The following ECHDC3 variants were observed in gnomAD, a reference collection of about 807,000 sequenced individuals.
The protein encoded by ECHDC3 is enoyl-CoA hydratase domain containing 3.
A neutral mutation model predicts 17.9 loss-of-function variants in ECHDC3; 20 were observed. That is an observed-to-expected ratio of 1.12 (90% CI 0.79 to 1.63). ECHDC3 has a LOEUF of 1.63. Among genes scored for constraint, ECHDC3 ranks in the 40% most tolerant of loss-of-function variants. The pLI, the probability that ECHDC3 is intolerant of heterozygous loss-of-function variation, is 0.00. For missense variants in ECHDC3, 407 were observed against 357.7 expected (o/e 1.14, Z -1.11); for synonymous variants, 177 against 149.7 (o/e 1.18, Z -1.33).
intron 3 of ECHDC3, among the ~76,000 whole-genome samples, chr10:11,754,135 A>G (rs192215704): frequency 7.8e-4 from 119 of 152,348 alleles, no homozygotes; most frequent in East Asian, 7.5e-3. Flanking sequence ...AAAAAAGTCA[A>G]AAAGCACTAC....
At chr10:11,759,571 G>A (rs771603192) in intron 4 of ECHDC3, among the ~76,000 whole-genome samples, 5 of 152,168 alleles carry the variant, frequency 3.3e-5, no homozygotes, top group African/African-American at 9.7e-5. Flanking sequence ...CCAGGCTGTG[G>A]TGCTGTGTTC....
Position 11,760,885 on chromosome 10 carries a change from A to G in ECHDC3, c.592-2339A>G, listed in dbSNP as rs1327387421. 2.6e-5 allele frequency among the ~76,000 whole-genome samples: 4 copies of G among 152,162 alleles called. No homozygotes were observed. In the East Asian group the frequency reaches 5.8e-4, roughly 22 times the overall value. Reference sequence around the variant, plus strand: ...TCCTGGTTCAACCAGGGCTTCAGACACGCTTTGGCATGAAGTGCTCTTCCT... The same window carrying G: ...TCCTGGTTCAACCAGGGCTTCAGACGCGCTTTGGCATGAAGTGCTCTTCCT... On this transcript the variant is annotated intron_variant, in intron 4 of 4. Transcript: ENST00000379215.
chr10:11,742,718 A>C lies in ECHDC3; in HGVS notation c.142A>C (p.Thr48Pro). The C allele has an allele frequency of 8.1e-7, 1 of 1,235,192 alleles. No homozygotes were observed. Among genetic ancestry groups the C allele is most frequent in the South Asian group, 3.6e-5 (1 of 27,590 alleles). 76.5% of individuals were successfully genotyped at this position (1,235,192 alleles called of 1,614,324 possible). A position where few individuals can be genotyped will look rare whatever the true frequency, so the allele number is the denominator to read the frequency against. Reference protein sequence around the residue: ...AGRRESEPRPTSARQLDGIRN... With the variant: ...AGRRESEPRPPSARQLDGIRN... ...GCGGCGGGAGTCGGAGCCGCGGCCCACCAGCGCGCGGCAGCTGGACGGCAT... is the reference window on the plus strand; with the variant it reads ...GCGGCGGGAGTCGGAGCCGCGGCCCCCCAGCGCGCGGCAGCTGGACGGCAT... Residue 48 changes from threonine (T) to proline (P), a missense_variant, in exon 1 of 5, where the codon ACC becomes CCC. Transcript: ENST00000379215.
At chr10:11,756,325 A>G (rs2133793196) in intron 4 of ECHDC3, among the ~76,000 whole-genome samples, 1 of 152,368 alleles carries the variant, frequency 6.6e-6, no homozygotes, top group East Asian at 1.9e-4. Flanking sequence ...TGTTGCGGAA[A>G]AAGTGCATCC....
chr10:11,758,924 G>A (rs969053041), intron 4 of ECHDC3, among the ~76,000 whole-genome samples: 1 of 152,246 alleles, frequency 6.6e-6, no homozygotes, highest in Non-Finnish European at 1.5e-5. Context: ...ATGTGCTGTG[G>A]TCTCAATGCT....
At chr10:11,761,709 A>G (rs1387519265) in intron 4 of ECHDC3, among the ~76,000 whole-genome samples, 2 of 152,180 alleles carry the variant, frequency 1.3e-5, no homozygotes, top group Non-Finnish European at 2.9e-5. Flanking sequence ...GGGCTTCCTC[A>G]CAGCATGGAG....
rs1191160568 is a variant in ECHDC3, at chr10:11,763,906, C to T, written c.*362C>T. Reference sequence around the variant, plus strand: ...ACGCCAGCCTGACCCTTATCTGAAACGTCCTAAGCAGAGTTAATCCTGGCT... The same window carrying T: ...ACGCCAGCCTGACCCTTATCTGAAATGTCCTAAGCAGAGTTAATCCTGGCT... On this transcript the variant is annotated 3_prime_UTR_variant, in exon 5 of 5. Coordinates refer to ENST00000379215, the MANE Select transcript of ECHDC3 (RefSeq NM_024693.5). The surrounding 1 kb of genome is among the most constrained non-coding windows in gnomAD (Gnocchi z 4.9). The T allele has an allele frequency of 1.8e-5, 19 of 1,029,316 alleles. No homozygotes were observed. The Middle Eastern group carries it at 1.4e-3, about 76-fold the overall frequency. 63.8% of individuals were successfully genotyped at this position (1,029,316 alleles called of 1,614,324 possible). A position where few individuals can be genotyped will look rare whatever the true frequency, so the allele number is the denominator to read the frequency against.
chr10:11,750,555 C>T (rs1201901146), intron 3 of ECHDC3, among the ~76,000 whole-genome samples: 2 of 152,122 alleles, frequency 1.3e-5, no homozygotes, highest in African/African-American at 4.8e-5. Context: ...GAAATCAACC[C>T]CTTGGGTAAT....
chr10:11,742,710 C>T lies in ECHDC3; in HGVS notation c.134C>T (p.Pro45Leu), dbSNP rs560916612. Residue 45 changes from proline (P) to leucine (L), a missense_variant, in exon 1 of 5, where the codon CCG becomes CTG. Physicochemically the swap from Pro to Leu is moderately conservative, Grantham distance 98. Coordinates refer to ENST00000379215, the MANE Select transcript of ECHDC3 (RefSeq NM_024693.5). ...GGGGCGGGGCGGCGGGAGTCGGAGC[C>T]GCGGCCCACCAGCGCGCGGCAGCTG... ...PAGAGRRESE[P>L]RPTSARQLDG... 4.8e-4 allele frequency: 594 copies of T among 1,237,684 alleles called. 11 individuals carry two copies. The East Asian group carries it at 0.016, about 33-fold the overall frequency. The allele number at this position is 1,237,684 out of a possible 1,614,324, so 76.7% of individuals were successfully genotyped here.
At position 11,757,715 on chromosome 10, in the gene ECHDC3, A is replaced by G. The variant is rs1253574369; in HGVS notation, c.591+2107A>G. Among the ~76,000 whole-genome samples, 6 of 152,340 alleles carry G rather than the reference A, an allele frequency of 3.9e-5. No individual in the cohort carries two copies. The South Asian group carries it at 6.2e-4, about 16-fold the overall frequency. ...CCACTCAGAGCCATGACTCAGGAAC[A>G]TGGCTTGGGGTCAACACTGAAAAGC... On this transcript the variant is annotated intron_variant, in intron 4 of 4. Transcript: ENST00000379215.
At chr10:11,759,461 G>A (rs1283804203) in intron 4 of ECHDC3, among the ~76,000 whole-genome samples, 2 of 151,868 alleles carry the variant, frequency 1.3e-5, no homozygotes, top group Non-Finnish European at 2.9e-5. Flanking sequence ...TTACGAACCA[G>A]GAGGCAGGTC....
chr10:11,763,443 T>C lies in ECHDC3; in HGVS notation c.811T>C (p.Ser271Pro). 1.1e-6 allele frequency: 1 copy of C among 882,102 alleles called. No homozygotes were observed. The highest frequency in any genetic ancestry group is 1.9e-6 in the Non-Finnish European group (1 of 521,826). 54.6% of individuals were successfully genotyped at this position (882,102 alleles called of 1,614,324 possible). A position where few individuals can be genotyped will look rare whatever the true frequency, so the allele number is the denominator to read the frequency against. Reference sequence around the variant, plus strand: ...CCTGGGGACGGCTTACTACCTCACCTCCCAGGCCATGGTGGACAACCTGGC... The same window carrying C: ...CCTGGGGACGGCTTACTACCTCACCCCCCAGGCCATGGTGGACAACCTGGC... ...QDLGTAYYLT[S>P]QAMVDNLALR... is the part of the protein sequence containing the mutation. The change falls in exon 5 of 5, where the codon TCC becomes CCC. Residue 271 changes from serine (S) to proline (P), a missense_variant. Coordinates refer to ENST00000379215, the MANE Select transcript of ECHDC3 (RefSeq NM_024693.5). The surrounding 1 kb of genome is among the most constrained non-coding windows in gnomAD (Gnocchi z 4.9).
At position 11,763,163 on chromosome 10, in the gene ECHDC3, CTCAGGTGGCGGGGGCGGG is replaced by C; in HGVS notation, c.592-57_592-40del. The C allele has an allele frequency of 1.5e-6, 1 of 679,080 alleles. No individual in the cohort carries two copies. The highest frequency in any genetic ancestry group is 2.7e-6 in the Non-Finnish European group (1 of 368,728). 42.1% of individuals were successfully genotyped at this position (679,080 alleles called of 1,614,324 possible). A position where few individuals can be genotyped will look rare whatever the true frequency, so the allele number is the denominator to read the frequency against. ...AGCAGGTCATTGAGCCGAGGCGGGA[CTCAGGTGGCGGGGGCGGG>C]TCACAGGAGAGCACCTCAGTGACAT... On this transcript the variant is annotated intron_variant, in intron 4 of 4. Coordinates refer to ENST00000379215, the MANE Select transcript of ECHDC3 (RefSeq NM_024693.5). The surrounding 1 kb of genome is among the most constrained non-coding windows in gnomAD (Gnocchi z 4.9).
At chr10:11,759,243 A>G (rs1440200884) in intron 4 of ECHDC3, among the ~76,000 whole-genome samples, 1 of 151,796 alleles carries the variant, frequency 6.6e-6, no homozygotes, top group Non-Finnish European at 1.5e-5. Flanking sequence ...AATCCCAGCT[A>G]CTCGGGAGGC....
chr10:11,750,004 C>G (rs1832807411), intron 3 of ECHDC3, among the ~76,000 whole-genome samples: 1 of 151,974 alleles, frequency 6.6e-6, no homozygotes, highest in African/African-American at 2.4e-5. Context: ...CCATGTTGGC[C>G]AGGCTGGTCT....
intron 2 of ECHDC3, among the ~76,000 whole-genome samples, chr10:11,748,936 C>T (rs1025364234): frequency 6.6e-6 from 1 of 152,204 alleles, no homozygotes; most frequent in East Asian, 1.9e-4. Context: ...GTTATCAGCT[C>T]ATCAGTAGGA....
rs1832882084 is a variant in ECHDC3 at position 11,755,865 on chromosome 10, C to G, written c.591+257C>G. ...AATCACTGCATTTCCATCATGCGTACCCTCAGTACCACTGGGTAGGTTTGC... is the reference window on the plus strand; with the variant it reads ...AATCACTGCATTTCCATCATGCGTAGCCTCAGTACCACTGGGTAGGTTTGC... On this transcript the variant is annotated intron_variant, in intron 4 of 4. Coordinates refer to ENST00000379215, the MANE Select transcript of ECHDC3 (RefSeq NM_024693.5). 2.7e-5 allele frequency: 12 copies of G among 451,252 alleles called. No homozygotes were observed. The East Asian group carries it at 4.7e-4, about 18-fold the overall frequency. The allele number at this position is 451,252 out of a possible 1,614,324, so 28.0% of individuals were successfully genotyped here. A position where few individuals can be genotyped will look rare whatever the true frequency, so the allele number is the denominator to read the frequency against.
At chr10:11,744,152 T>G (rs1418937422) in intron 1 of ECHDC3, among the ~76,000 whole-genome samples, 1 of 152,146 alleles carries the variant, frequency 6.6e-6, no homozygotes, top group Non-Finnish European at 1.5e-5. Flanking sequence ...TTCTTAACAG[T>G]GGCCTGCAAA....
At chr10:11,753,923 G>A (rs1043964978) in intron 3 of ECHDC3, among the ~76,000 whole-genome samples, 5 of 152,026 alleles carry the variant, frequency 3.3e-5, no homozygotes, top group South Asian at 4.1e-4. Context: ...TTACAGGCAC[G>A]TGCCACCACA....
Sources: allele counts gnomAD v4.1 joint callset (sites outside exome capture counted in the v4.1 genomes callset), GRCh38; gene constraint gnomAD v4.1.1; non-coding constraint Gnocchi (gnomAD v3.1); transcripts MANE v1.5; gene names NCBI Gene and HGNC (gene_info 2026-07-23, HGNC 2026-07-21).